Variants in GAD2 observed in about 807,000 individuals in gnomAD.
GAD2 encodes 65 kDa glutamic acid decarboxylase.
In GAD2, 22 loss-of-function variants were observed where a neutral mutation model predicts 80.1. The ratio of observed to expected loss-of-function variants is 0.27; its 90% CI spans 0.20 to 0.39. The LOEUF is 0.39. Ranked by LOEUF, GAD2 falls within the 10% of genes least tolerant of loss-of-function variation. The probability of loss-of-function intolerance (pLI) is 1.00; values close to 1 mark genes in which losing one functional copy is unlikely to be tolerated. For synonymous variants in GAD2, 274 were observed against 256.9 expected (o/e 1.07, Z -0.64); for missense variants, 624 against 738.4 (o/e 0.85, Z 1.80).
At chr10:26,291,650 G>C (rs1264745458) in intron 13 of GAD2, among the ~76,000 whole-genome samples, 2 of 152,176 alleles carry the variant, frequency 1.3e-5, no homozygotes. Context: ...GTGCTTCTGA[G>C]ATGAGCACTG....
chr10:26,229,888 CT>C (rs1213012536), intron 7 of GAD2, 111 bp downstream of exon 7: 5 of 749,380 alleles, frequency 6.7e-6, no homozygotes, highest in Non-Finnish European at 8.9e-6. Context: ...TGGAAGACAC[CT>C]TGGGAGGGAA....
intron 10 of GAD2, among the ~76,000 whole-genome samples, chr10:26,272,747 C>A (rs8190723): frequency 0.015 from 2,265 of 152,092 alleles, 64 homozygotes; most frequent in African/African-American, 0.05. Context: ...GCCTGTAATC[C>A]CAGCTACTTG....
Position 26,230,129 on chromosome 10 carries a change from C to T in GAD2, c.840+352C>T, listed in dbSNP as rs8190634. ...ACTGCAGTGAGCCGTGATTGCACCA[C>T]CACACTCCAGCCTGGATGAAAGAGC... On this transcript the variant is annotated intron_variant, in intron 7 of 15. Transcript: ENST00000376261. Among the ~76,000 whole-genome samples the T allele has an allele frequency of 8.3e-3, 1,268 of 152,182 alleles. 26 individuals are homozygous for T. The highest frequency in any genetic ancestry group is 0.029 in the African/African-American group (1,195 of 41,502).
chr10:26,236,489 C>T (rs776920611), intron 7 of GAD2, among the ~76,000 whole-genome samples: 16 of 152,064 alleles, frequency 1.1e-4, no homozygotes, highest in African/African-American at 2.2e-4. Flanking sequence ...TTAGTAGAGA[C>T]GGGGTTTCAC....
At chr10:26,262,365 G>A (rs1845019268) in intron 8 of GAD2, among the ~76,000 whole-genome samples, 1 of 149,172 alleles carries the variant, frequency 6.7e-6, no homozygotes, top group Non-Finnish European at 1.5e-5. Flanking sequence ...AAAACTTTAA[G>A]ATTATTATAA....
intron 15 of GAD2, 55 bp downstream of exon 15, chr10:26,293,046 ATCT>A (rs1564673313): frequency 1.4e-5 from 20 of 1,390,514 alleles, no homozygotes; most frequent in Non-Finnish European, 1.6e-5. Flanking sequence ...TCATGTGCAC[ATCT>A]TCTTTATGAC....
At position 26,301,943 on chromosome 10, in the gene GAD2, A is replaced by G. The variant is rs1052170399; in HGVS notation, c.*982A>G. On this transcript the variant is annotated 3_prime_UTR_variant, in exon 16 of 16. Transcript: ENST00000376261. ...TGCTAGTTCTTGAGGCATCTTCCAA[A>G]TAGTATTCTTTTATTAGGTCATTTG... The G allele has an allele frequency of 2.6e-5, 4 of 152,194 alleles. No homozygotes were observed. The highest frequency in any genetic ancestry group is 4.4e-5 in the Non-Finnish European group (3 of 68,036). The allele number at this position is 152,194 out of a possible 1,614,324, so 9.4% of individuals were successfully genotyped here. A position where few individuals can be genotyped will look rare whatever the true frequency, so the allele number is the denominator to read the frequency against.
intron 4 of GAD2, among the ~76,000 whole-genome samples, chr10:26,221,326 G>T (rs1844449190): frequency 6.6e-6 from 1 of 152,242 alleles, no homozygotes; most frequent in African/African-American, 2.4e-5. Context: ...CAAGCTTAGA[G>T]AGGAGTGAAG....
At chr10:26,232,737 A>T (rs1309688683) in intron 7 of GAD2, among the ~76,000 whole-genome samples, 2 of 152,100 alleles carry the variant, frequency 1.3e-5, no homozygotes, top group East Asian at 1.9e-4. Flanking sequence ...TTCTGACCTC[A>T]GGTGATCCAT....
At chr10:26,234,706 A>G (rs1344139740) in intron 7 of GAD2, among the ~76,000 whole-genome samples, 2 of 152,086 alleles carry the variant, frequency 1.3e-5, no homozygotes, top group Non-Finnish European at 2.9e-5. Flanking sequence ...CTCTCATAAG[A>G]CTGTTGGGAG....
chr10:26,282,846 T>C (rs895728666), intron 12 of GAD2, among the ~76,000 whole-genome samples: 2 of 152,214 alleles, frequency 1.3e-5, no homozygotes, highest in African/African-American at 2.4e-5. Context: ...GGACACAGGA[T>C]TGAAGACAGC....
chr10:26,277,062 A>G (rs1394658022), intron 11 of GAD2, among the ~76,000 whole-genome samples: 1 of 152,234 alleles, frequency 6.6e-6, no homozygotes, highest in Non-Finnish European at 1.5e-5. Context: ...CTGATTGGAG[A>G]GCACAGAGAA....
chr10:26,258,969 C>T (rs1412397747), intron 8 of GAD2, among the ~76,000 whole-genome samples: 1 of 152,100 alleles, frequency 6.6e-6, no homozygotes. Flanking sequence ...AGGTGCACGC[C>T]ACCATGCCTA....
chr10:26,262,929 G>T (rs1276852841), intron 8 of GAD2, among the ~76,000 whole-genome samples: 1 of 151,814 alleles, frequency 6.6e-6, no homozygotes, highest in Non-Finnish European at 1.5e-5. Flanking sequence ...AATGTGAGGT[G>T]GTCAGCACAC....
intron 15 of GAD2, among the ~76,000 whole-genome samples, chr10:26,297,036 T>C (rs1834282407): frequency 6.6e-6 from 1 of 152,100 alleles, no homozygotes; most frequent in Non-Finnish European, 1.5e-5. Context: ...CACCTCAGCC[T>C]GCCGAGTAGC....
Position 26,303,248 on chromosome 10 carries a change from G to A in GAD2, c.*2287G>A, listed in dbSNP as rs1834345654. On this transcript the variant is annotated 3_prime_UTR_variant, in exon 16 of 16. Coordinates refer to ENST00000376261, the MANE Select transcript of GAD2 (RefSeq NM_001134366.2). ...CAAAACAATTCTAGCAACAACAATAGCTCTTCTTCCCCGCTCCCCTACCCC... is the reference window on the plus strand; with the variant it reads ...CAAAACAATTCTAGCAACAACAATAACTCTTCTTCCCCGCTCCCCTACCCC... 1 of 151,066 alleles carries A rather than the reference G, an allele frequency of 6.6e-6. No homozygotes were observed. Among genetic ancestry groups the A allele is most frequent in the Non-Finnish European group, 1.5e-5 (1 of 68,044 alleles). 9.4% of individuals were successfully genotyped at this position (151,066 alleles called of 1,614,324 possible).
At chr10:26,261,026 C>T (rs1392284116) in intron 8 of GAD2, among the ~76,000 whole-genome samples, 1 of 152,128 alleles carries the variant, frequency 6.6e-6, no homozygotes, top group Non-Finnish European at 1.5e-5. Flanking sequence ...AGCATTTATC[C>T]TTGCAAAGTT....
At chr10:26,249,971 G>A (rs760011151) in intron 8 of GAD2, among the ~76,000 whole-genome samples, 42 of 151,886 alleles carry the variant, frequency 2.8e-4, no homozygotes, top group Non-Finnish European at 5.2e-4. Context: ...CGGGACCTAC[G>A]ATCAGTGACT....
chr10:26,270,912 C>T (rs1487980656), intron 10 of GAD2, among the ~76,000 whole-genome samples, 156 bp downstream of exon 10: 2 of 152,110 alleles, frequency 1.3e-5, no homozygotes, highest in African/African-American at 4.8e-5. Context: ...CAAATTAGCA[C>T]ACAACTCACA....
Sources: gnomAD v4.1 joint callset for allele counts (sites outside exome capture counted in the v4.1 genomes callset) on GRCh38, gnomAD v4.1.1 for gene constraint, MANE v1.5 for transcripts, NCBI Gene and HGNC (gene_info 2026-07-23, HGNC 2026-07-21) for gene names.